PHLPP1: variants seen among roughly 807,000 people sequenced by gnomAD.
PHLPP1 encodes the protein PH domain and leucine rich repeat protein phosphatase 1, also known as PH domain leucine-rich repeat-containing protein phosphatase 1.
PHLPP1 carries 42 observed loss-of-function variants against 117.2 expected under a neutral mutation model. The ratio of observed to expected loss-of-function variants is 0.36; its 90% CI spans 0.28 to 0.46. The LOEUF is 0.46. PHLPP1 is among the 20% of genes least tolerant of loss of function. PHLPP1 has a pLI of 1.00. For missense variants in PHLPP1, 2,084 were observed against 2,241.9 expected, an observed-to-expected ratio of 0.93 and a Z score of 1.42; for synonymous variants, 1,042 against 970.7, an observed-to-expected ratio of 1.07 and a Z score of -1.37.
At chr18:62,964,121 C>T (rs913291472) in intron 14 of PHLPP1, among the ~76,000 whole-genome samples, 9 of 151,970 alleles carry the variant, frequency 5.9e-5, no homozygotes, top group African/African-American at 2.2e-4. Flanking sequence ...TAATTAGTAC[C>T]TAGACAGGTA....
At chr18:62,912,378 A>G (rs1916981451) in intron 8 of PHLPP1, among the ~76,000 whole-genome samples, 1 of 151,120 alleles carries the variant, frequency 6.6e-6, no homozygotes, top group South Asian at 2.1e-4. Flanking sequence ...TTATAAATAT[A>G]TAATTATAAA....
Position 62,932,951 on chromosome 18 carries a change from A to G in PHLPP1, c.2961-8767A>G, listed in dbSNP as rs75487795. ...AGAATCAGCACCCGAAATCAGTAGC[A>G]TTCCTATACACCAGTAACTTTCAAG... is the stretch of plus-strand genomic sequence containing the variant. On this transcript the variant is annotated intron_variant, in intron 10 of 16. Transcript: ENST00000262719. Among the ~76,000 whole-genome samples the G allele has an allele frequency of 4.0e-4, 61 of 152,346 alleles. No individual in the cohort carries two copies. In the East Asian group the frequency reaches 0.012, roughly 29 times the overall value.
intron 1 of PHLPP1, among the ~76,000 whole-genome samples, chr18:62,739,649 A>G (rs1185542887): frequency 6.6e-6 from 1 of 152,126 alleles, no homozygotes; most frequent in Admixed American, 6.5e-5. Flanking sequence ...GAGGGGAAAA[A>G]TTTAAACAAA....
intron 3 of PHLPP1, among the ~76,000 whole-genome samples, chr18:62,859,179 A>T (rs1915570476): frequency 6.6e-6 from 1 of 152,262 alleles, no homozygotes. Flanking sequence ...AATAGGGAGA[A>T]TTAACCAAAG....
chr18:62,853,180 A>C (rs993302308), intron 3 of PHLPP1, among the ~76,000 whole-genome samples: 4 of 152,168 alleles, frequency 2.6e-5, no homozygotes, highest in African/African-American at 9.7e-5. Flanking sequence ...GGACCAAATG[A>C]ACCCTCCTTC....
intron 8 of PHLPP1, among the ~76,000 whole-genome samples, chr18:62,913,984 G>T (rs1917033765): frequency 1.3e-5 from 2 of 152,160 alleles, no homozygotes; most frequent in East Asian, 3.9e-4. Flanking sequence ...GACCTCCGGT[G>T]ATCTGCAGCC....
chr18:62,763,748 T>C (rs1249109564), intron 1 of PHLPP1, among the ~76,000 whole-genome samples: 1 of 152,218 alleles, frequency 6.6e-6, no homozygotes. Flanking sequence ...CTGGACTCTT[T>C]GACATCATAC....
chr18:62,748,379 G>C (rs1911742463), intron 1 of PHLPP1, among the ~76,000 whole-genome samples: 1 of 151,934 alleles, frequency 6.6e-6, no homozygotes, highest in Non-Finnish European at 1.5e-5. Context: ...TGAGTAGCTG[G>C]GACTACAGGC....
At chr18:62,722,992 CT>C (rs1328841454) in intron 1 of PHLPP1, among the ~76,000 whole-genome samples, 1 of 152,134 alleles carries the variant, frequency 6.6e-6, no homozygotes, top group African/African-American at 2.4e-5. Context: ...GCCTCATATA[CT>C]TTTTGGTATG....
At chr18:62,866,767 C>T (rs568523653) in intron 4 of PHLPP1, among the ~76,000 whole-genome samples, 1 of 152,144 alleles carries the variant, frequency 6.6e-6, no homozygotes, top group Non-Finnish European at 1.5e-5. Flanking sequence ...TCTGTCTTGC[C>T]TTTTAGTTCT....
chr18:62,948,672 A>ATT (rs779742343), intron 12 of PHLPP1, among the ~76,000 whole-genome samples: 12 of 142,476 alleles, frequency 8.4e-5, no homozygotes, highest in East Asian at 4.1e-4. Flanking sequence ...TGTTGTTGGG[A>ATT]TTTTTTTTTT....
intron 1 of PHLPP1, among the ~76,000 whole-genome samples, chr18:62,723,755 TGA>T (rs1910989020): frequency 6.6e-6 from 1 of 152,170 alleles, no homozygotes; most frequent in African/African-American, 2.4e-5. Flanking sequence ...TCTCACACTG[TGA>T]GAGAAAATGT....
At chr18:62,865,883 G>T (rs1225095681) in intron 4 of PHLPP1, among the ~76,000 whole-genome samples, 1 of 152,190 alleles carries the variant, frequency 6.6e-6, no homozygotes, top group Non-Finnish European at 1.5e-5. Flanking sequence ...GCCTATTGGA[G>T]GCTGGAGGGC....
intron 1 of PHLPP1, among the ~76,000 whole-genome samples, chr18:62,822,563 C>T (rs1167053698): frequency 2.0e-5 from 3 of 151,976 alleles, no homozygotes; most frequent in Non-Finnish European, 4.4e-5. Context: ...GGATTACAGG[C>T]GTGAGCCACT....
chr18:62,862,938 A>T (rs1209239965), intron 4 of PHLPP1, among the ~76,000 whole-genome samples: 1 of 152,198 alleles, frequency 6.6e-6, no homozygotes, highest in Non-Finnish European at 1.5e-5. Context: ...TTGGTGCTGC[A>T]GTGAATTAAT....
chr18:62,727,679 C>A (rs1247298743), intron 1 of PHLPP1, among the ~76,000 whole-genome samples: 1 of 149,690 alleles, frequency 6.7e-6, no homozygotes, highest in Non-Finnish European at 1.5e-5. Context: ...TCTGTTTTAA[C>A]TGGCAGGCTG....
chr18:62,797,563 C>T lies in PHLPP1; in HGVS notation c.1577-32472C>T, dbSNP rs369381979. On this transcript the variant is annotated intron_variant, in intron 1 of 16. Transcript: ENST00000262719. ...AGATGGACGGTCAGGGCAGGCCTTG[C>T]TTTGACTTGAGCAGAGACTTGAAGG... 2.0e-5 allele frequency among the ~76,000 whole-genome samples: 3 copies of T among 152,182 alleles called. No individual in the cohort carries two copies. In the East Asian group the frequency reaches 5.8e-4, roughly 29 times the overall value.
chr18:62,716,620 T>TCGCGC lies in PHLPP1; in HGVS notation c.944_948dup (p.Ser317AlafsTer38). 1 of 1,303,562 alleles carries TCGCGC rather than the reference T, an allele frequency of 7.7e-7. No homozygotes were observed. The highest frequency in any genetic ancestry group is 9.7e-7 in the Non-Finnish European group (1 of 1,028,326). 80.7% of individuals were successfully genotyped at this position (1,303,562 alleles called of 1,614,324 possible). On this transcript the variant is annotated frameshift_variant, in exon 1 of 17. Transcript: ENST00000262719. LOFTEE classifies it high-confidence loss of function. The surrounding 1 kb of genome is among the most constrained non-coding windows in gnomAD (Gnocchi z 5.7). ...GCCCGTCGGCGGCCCGGGCGGGTGG[T>TCGCGC]CGCGCCGCGCCAGCCCAGCGCCCTC...
intron 6 of PHLPP1, among the ~76,000 whole-genome samples, chr18:62,900,586 C>G (rs1916698547): frequency 6.6e-6 from 1 of 151,236 alleles, no homozygotes; most frequent in African/African-American, 2.4e-5. Flanking sequence ...CTGCCCCAGC[C>G]TCTCAAATAG....
Sources: allele counts gnomAD v4.1 joint callset (sites outside exome capture counted in the v4.1 genomes callset), GRCh38; gene constraint gnomAD v4.1.1; non-coding constraint Gnocchi (gnomAD v3.1); transcripts MANE v1.5; gene names NCBI Gene and HGNC (gene_info 2026-07-23, HGNC 2026-07-21).